LIPA: variants seen among roughly 807,000 people sequenced by gnomAD.
LIPA encodes the protein lysosomal acid lipase/cholesteryl ester hydrolase.
LIPA carries 26 observed loss-of-function variants against 40.6 expected under a neutral mutation model. That is an observed-to-expected ratio of 0.64 (90% CI 0.47 to 0.89). LIPA has a LOEUF of 0.89. Among genes scored for constraint, LIPA ranks in the 40% least tolerant of loss-of-function variants. The pLI is 0.00. For missense variants in LIPA, 455 were observed against 479.6 expected (o/e 0.95, Z 0.48); for synonymous variants, 188 against 168.4 (o/e 1.12, Z -0.90).
Position 89,215,046 on chromosome 10 carries a change from A to T in LIPA, c.982T>A (p.Tyr328Asn). ...GGCACAAGCATGTCCTTCACATTGT[A>T]TGTGGGAGGATAACTCTACAATGAA... ...FHYNQSYPPTYNVKDMLVPTA... is the reference protein window; with the variant it reads ...FHYNQSYPPTNNVKDMLVPTA... Residue 328 changes from tyrosine (Y) to asparagine (N), a missense_variant, in exon 10 of 10, where the codon TAC becomes AAC. Physicochemically the swap from Tyr to Asn is moderately radical, Grantham distance 143 (BLOSUM62 -2). Coordinates refer to ENST00000336233, the MANE Select transcript of LIPA (RefSeq NM_000235.4). 1 of 1,612,530 alleles carries T rather than the reference A, an allele frequency of 6.2e-7. No individual in the cohort carries two copies. The highest frequency in any genetic ancestry group is 1.1e-5 in the South Asian group (1 of 91,070).
intron 2 of LIPA, among the ~76,000 whole-genome samples, chr10:89,379,181 A>C (rs1844143120): frequency 6.6e-6 from 1 of 152,218 alleles, no homozygotes; most frequent in African/African-American, 2.4e-5. Flanking sequence ...TGAAACTATG[A>C]AATTGTGATT....
At chr10:89,338,910 T>C in intron 1 of LIPA, 1 of 1,614,096 alleles carries the variant, frequency 6.2e-7, no homozygotes, top group African/African-American at 1.3e-5. Flanking sequence ...AGCAAGAACA[T>C]GCTGACCAAG....
At chr10:89,248,674 G>A (rs1488673300) in intron 1 of LIPA, among the ~76,000 whole-genome samples, 5 of 150,064 alleles carry the variant, frequency 3.3e-5, no homozygotes, top group Admixed American at 1.3e-4. Flanking sequence ...TAGTAGAGAC[G>A]GGGTTTCACT....
intron 1 of LIPA, among the ~76,000 whole-genome samples, chr10:89,274,390 T>C (rs1178872797): frequency 1.3e-5 from 2 of 152,070 alleles, no homozygotes; most frequent in African/African-American, 4.8e-5. Flanking sequence ...ATTACCTCAA[T>C]GGAGAGGAGC....
intron 1 of LIPA, chr10:89,306,215 G>A: frequency 6.2e-7 from 1 of 1,614,154 alleles, no homozygotes; most frequent in Non-Finnish European, 8.5e-7. Flanking sequence ...AGAGCATGCT[G>A]ACCAGGCAGA....
chr10:89,379,008 T>C (rs924958601), intron 2 of LIPA, among the ~76,000 whole-genome samples: 23 of 152,192 alleles, frequency 1.5e-4, no homozygotes, highest in African/African-American at 4.1e-4. Context: ...TGAGATCCTT[T>C]TAATATACAA....
rs905264827 is a variant in LIPA at position 89,298,298 on chromosome 10, C to T, written c.-2+44313G>A. ...ATCAGACATCCTCAACCCACTGCTG[C>T]CACCACTGGGGCCTGAAGACTGGCC... On this transcript the variant is annotated intron_variant, in intron 1 of 5. Transcript: ENST00000282673. Among the ~76,000 whole-genome samples the T allele has an allele frequency of 4.6e-5, 7 of 152,198 alleles. No homozygotes were observed. In the South Asian group the frequency reaches 1.2e-3, roughly 27 times the overall value.
chr10:89,317,651 T>C (rs1040409819), intron 1 of LIPA, among the ~76,000 whole-genome samples: 1 of 152,198 alleles, frequency 6.6e-6, no homozygotes, highest in African/African-American at 2.4e-5. Context: ...CTGCAGGATA[T>C]TATGCAGGAG....
At chr10:89,247,687 T>A in intron 1 of LIPA, 38 bp from the exon 2 acceptor site, 4 of 1,396,576 alleles carry the variant, frequency 2.9e-6, no homozygotes, top group Non-Finnish European at 4.1e-6. Flanking sequence ...TTGCTTGAAT[T>A]TTACTACACA....
chr10:89,223,553 C>T (rs1842727371), intron 7 of LIPA, 131 bp downstream of exon 7: 1 of 815,122 alleles, frequency 1.2e-6, no homozygotes, highest in Admixed American at 2.2e-5. Context: ...AAAGTTCATG[C>T]TTGTGCCTCT....
Position 89,222,597 on chromosome 10 carries a change from C to T in LIPA, c.823-15G>A. ...TCCACTCTAGACTGCAAAATAAATA[C>T]ATTGAAATGAAGAATGAAAACAGCA... is the stretch of plus-strand genomic sequence containing the variant. On this transcript the variant is annotated splice_polypyrimidine_tract_variant and intron_variant, in intron 7 of 9. Transcript: ENST00000336233. 1.4e-6 allele frequency: 2 copies of T among 1,481,172 alleles called. No individual in the cohort carries two copies. Among genetic ancestry groups the T allele is most frequent in the African/African-American group, 1.4e-5 (1 of 72,488 alleles). 91.8% of individuals were successfully genotyped at this position (1,481,172 alleles called of 1,614,324 possible).
intron 8 of LIPA, among the ~76,000 whole-genome samples, chr10:89,218,578 C>T (rs192316310): frequency 2.0e-5 from 3 of 152,292 alleles, no homozygotes; most frequent in Admixed American, 6.5e-5. Context: ...ATGGCCATAC[C>T]GCTCACTTCT....
intron 1 of LIPA, chr10:89,338,629 CATCACAGT>C (rs1464086490): frequency 6.3e-7 from 1 of 1,587,158 alleles, no homozygotes; most frequent in South Asian, 1.2e-5. Flanking sequence ...TGGCAGTGTA[CATCACAGT>C]GACCATGTTT....
chr10:89,346,885 A>C (rs1843926842), upstream of LIPA, among the ~76,000 whole-genome samples: 1 of 152,326 alleles, frequency 6.6e-6, no homozygotes, highest in Non-Finnish European at 1.5e-5. Flanking sequence ...TCCTCATAGG[A>C]AATTGCGTAG....
intron 2 of LIPA, chr10:89,403,026 A>G (rs1158736177): frequency 6.2e-7 from 1 of 1,614,118 alleles, no homozygotes; most frequent in Non-Finnish European, 8.5e-7. Flanking sequence ...GTCCTCACAG[A>G]CCTATGTCTT....
At chr10:89,218,080 G>A (rs1240726189) in intron 8 of LIPA, among the ~76,000 whole-genome samples, 1 of 152,152 alleles carries the variant, frequency 6.6e-6, no homozygotes, top group Non-Finnish European at 1.5e-5. Flanking sequence ...CAGAGTATAT[G>A]TAGATAATGA....
At chr10:89,397,024 A>C (rs150658091) in intron 2 of LIPA, among the ~76,000 whole-genome samples, 3 of 152,348 alleles carry the variant, frequency 2.0e-5, no homozygotes, top group African/African-American at 7.2e-5. Context: ...GGTTCTTTAT[A>C]AAATAGGGTC....
intron 1 of LIPA, among the ~76,000 whole-genome samples, chr10:89,261,256 T>C (rs143494878): frequency 1.1e-4 from 17 of 152,200 alleles, no homozygotes; most frequent in Middle Eastern, 3.2e-3. Context: ...CTCTGGGTGT[T>C]CTAGAAATTT....
intron 1 of LIPA, among the ~76,000 whole-genome samples, chr10:89,296,756 C>G (rs747818415): frequency 6.6e-6 from 1 of 152,104 alleles, no homozygotes; most frequent in Non-Finnish European, 1.5e-5. Flanking sequence ...TCTATCTGTG[C>G]TTTGTGTAAT....
Sources: gnomAD v4.1 joint callset for allele counts (sites outside exome capture counted in the v4.1 genomes callset) on GRCh38, gnomAD v4.1.1 for gene constraint, MANE v1.5 for transcripts, NCBI Gene and HGNC (gene_info 2026-07-23, HGNC 2026-07-21) for gene names.